The following OR51B5 variants were observed in gnomAD, a reference collection of about 807,000 sequenced individuals.
The protein encoded by OR51B5 is olfactory receptor family 51 subfamily B member 5, also known as olfactory receptor 51B5.
For missense variants in OR51B5, 456 were observed against 374.6 expected, an observed-to-expected ratio of 1.22 and a Z score of -1.79; for synonymous variants, 186 against 144.8, an observed-to-expected ratio of 1.28 and a Z score of -2.04.
chr11:5,359,900 T>C (rs905761913), intron 1 of OR51B5, among the ~76,000 whole-genome samples: 8 of 152,174 alleles, frequency 5.3e-5, no homozygotes, highest in Non-Finnish European at 1.0e-4. Context: ...GGGAAAGGAT[T>C]CCCTATTTAA....
upstream of OR51B5, chr11:5,345,858 T>TTTTGGCTTAAAAA (rs140761870): frequency 2.0e-5 from 3 of 151,796 alleles, no homozygotes; most frequent in Non-Finnish European, 4.4e-5. Context: ...AACTCAGCAC[T>TTTTGGCTTAAAAA]TTGAAAGAAT....
At chr11:5,413,684 T>A (rs569482754) in intron 1 of OR51B5, among the ~76,000 whole-genome samples, 152 of 152,032 alleles carry the variant, frequency 1.0e-3, no homozygotes, top group Middle Eastern at 6.8e-3. Context: ...AGGGTATCAG[T>A]GATGGAAGAT....
intron 1 of OR51B5, among the ~76,000 whole-genome samples, chr11:5,356,196 C>T (rs1342537807): frequency 2.6e-5 from 4 of 152,066 alleles, no homozygotes; most frequent in African/African-American, 7.2e-5. Context: ...GGAGGAAGCT[C>T]GAACCCATGG....
At chr11:5,414,698 G>A (rs919293295) in intron 1 of OR51B5, among the ~76,000 whole-genome samples, 5 of 152,158 alleles carry the variant, frequency 3.3e-5, no homozygotes, top group Admixed American at 2.6e-4. Context: ...ATACATAATG[G>A]TAAAGGGATC....
At chr11:5,388,681 C>G (rs910231813) in intron 1 of OR51B5, among the ~76,000 whole-genome samples, 1 of 150,744 alleles carries the variant, frequency 6.6e-6, no homozygotes, top group African/African-American at 2.4e-5. Context: ...CATTTTAAAC[C>G]TTTTTTACTT....
At chr11:5,375,900 A>G (rs986844005) in intron 1 of OR51B5, among the ~76,000 whole-genome samples, 1 of 152,164 alleles carries the variant, frequency 6.6e-6, no homozygotes, top group African/African-American at 2.4e-5. Flanking sequence ...TAGACAGATC[A>G]ACGAGACAGA....
intron 1 of OR51B5, among the ~76,000 whole-genome samples, chr11:5,451,080 A>T (rs926010478): frequency 2.0e-5 from 3 of 152,222 alleles, no homozygotes; most frequent in African/African-American, 7.2e-5. Flanking sequence ...AATAAATGTA[A>T]AGTTCCTTGC....
rs1476431738 is a variant in OR51B5, at chr11:5,480,621, A to G, written n.84+24948T>C. On this transcript the variant is annotated intron_variant and non_coding_transcript_variant, in intron 1 of 4. Transcript: ENST00000415970. ...TTGATAGACCGCTAGCAAGACTAAT[A>G]AAGAAAAAAAGACAGAAGAATCAAA... is the stretch of plus-strand genomic sequence containing the variant. Among the ~76,000 whole-genome samples the G allele has an allele frequency of 2.2e-4, 33 of 152,204 alleles. 1 individual carries two copies. In the South Asian group the frequency reaches 5.6e-3, roughly 26 times the overall value.
rs2201873 is a variant in OR51B5, at chr11:5,447,142, G to A, written n.84+58427C>T. Among the ~76,000 whole-genome samples the A allele has an allele frequency of 6.5e-3, 983 of 152,152 alleles. 2 individuals are homozygous for A. The highest frequency in any genetic ancestry group is 0.01 in the Non-Finnish European group (701 of 67,984). On this transcript the variant is annotated intron_variant and non_coding_transcript_variant, in intron 1 of 4. Coordinates refer to the OR51B5 transcript ENST00000415970. ...AATGATAATAATACAATAAGAATGA[G>A]GCTAACAAAATGTGCTTCTGTTCTG... is the stretch of plus-strand genomic sequence containing the variant.
intron 1 of OR51B5, among the ~76,000 whole-genome samples, chr11:5,452,079 A>G (rs1850861195): frequency 6.6e-6 from 1 of 152,220 alleles, no homozygotes; most frequent in African/African-American, 2.4e-5. Context: ...GCAGTCCCCA[A>G]GCATGTAGAT....
downstream of OR51B5, chr11:5,341,381 T>G (rs1848889447): frequency 6.6e-6 from 1 of 152,160 alleles, no homozygotes; most frequent in Non-Finnish European, 1.5e-5. Context: ...AGCAGAAACA[T>G]GAACAATGAG....
At chr11:5,359,109 C>T (rs1849239717) in intron 1 of OR51B5, among the ~76,000 whole-genome samples, 1 of 152,172 alleles carries the variant, frequency 6.6e-6, no homozygotes, top group African/African-American at 2.4e-5. Flanking sequence ...TCTCTCACTA[C>T]TCCTATTCAA....
chr11:5,490,498 T>C (rs2133814855), intron 1 of OR51B5, among the ~76,000 whole-genome samples: 1 of 152,330 alleles, frequency 6.6e-6, no homozygotes. Flanking sequence ...TATAAGGTTA[T>C]CCCTTATTAA....
intron 1 of OR51B5, among the ~76,000 whole-genome samples, chr11:5,467,073 T>G: frequency 6.6e-6 from 1 of 152,226 alleles, no homozygotes; most frequent in South Asian, 2.1e-4. Flanking sequence ...TTTCAAATGC[T>G]GAGGACCACC....
At chr11:5,416,783 A>C (rs11037373) in intron 1 of OR51B5, among the ~76,000 whole-genome samples, 118,282 of 144,498 alleles carry the variant, frequency 0.82, 49,346 homozygotes, top group Non-Finnish European at 0.89. Flanking sequence ...AAAGAGGATA[A>C]AAACAAATGG....
intron 1 of OR51B5, among the ~76,000 whole-genome samples, chr11:5,388,280 T>C (rs952658405): frequency 6.6e-6 from 1 of 151,872 alleles, no homozygotes; most frequent in African/African-American, 2.4e-5. Context: ...CCACAAGGAA[T>C]TCACATTATA....
chr11:5,342,904 C>T, exon 1 of OR51B5: 1 of 1,613,832 alleles, frequency 6.2e-7, no homozygotes, highest in Non-Finnish European at 8.5e-7. Flanking sequence ...TCAGATAATC[C>T]AGCACAAATA....
chr11:5,478,203 C>A (rs1851348138), intron 1 of OR51B5, among the ~76,000 whole-genome samples: 1 of 152,136 alleles, frequency 6.6e-6, no homozygotes, highest in African/African-American at 2.4e-5. Flanking sequence ...GTCCCTGACC[C>A]CTGAACCCCG....
intron 1 of OR51B5, chr11:5,351,415 A>G (rs933797568): frequency 3.2e-6 from 2 of 630,950 alleles, no homozygotes; most frequent in Non-Finnish European, 5.1e-6. Context: ...TGAACATCTT[A>G]TGAACAGGTA....
Sources: gnomAD v4.1 joint callset for allele counts (sites outside exome capture counted in the v4.1 genomes callset) on GRCh38, gnomAD v4.1.1 for gene constraint, MANE v1.5 for transcripts, NCBI Gene and HGNC (gene_info 2026-07-23, HGNC 2026-07-21) for gene names.